The following SLC37A3 variants were observed in gnomAD, a reference collection of about 807,000 sequenced individuals.
The protein encoded by SLC37A3 is solute carrier family 37 member 3, also known as sugar phosphate exchanger 3.
A neutral mutation model predicts 67.1 loss-of-function variants in SLC37A3; 51 were observed. The observed-to-expected ratio is 0.76, with a 90% confidence interval of 0.61 to 0.96. SLC37A3 has a LOEUF of 0.96. Among genes scored for constraint, SLC37A3 ranks in the 40% least tolerant of loss-of-function variants. The pLI is 0.00. For synonymous variants in SLC37A3, 214 were observed against 231.4 expected, an observed-to-expected ratio of 0.92 and a Z score of 0.68; for missense variants, 508 against 603.0, an observed-to-expected ratio of 0.84 and a Z score of 1.65.
intron 4 of SLC37A3, among the ~76,000 whole-genome samples, chr7:140,367,627 G>C (rs1381993128): frequency 6.6e-6 from 1 of 152,028 alleles, no homozygotes; most frequent in African/African-American, 2.4e-5. Flanking sequence ...TATATGCTGG[G>C]GAGAAAAGGA....
At chr7:140,362,195 C>T (rs1797342087) in intron 5 of SLC37A3, among the ~76,000 whole-genome samples, 1 of 140,530 alleles carries the variant, frequency 7.1e-6, no homozygotes, top group South Asian at 2.6e-4. Context: ...AGCGCCTCTG[C>T]CCCGCCGCCC....
intron 13 of SLC37A3, among the ~76,000 whole-genome samples, chr7:140,339,642 A>G (rs569094893): frequency 6.6e-6 from 1 of 152,190 alleles, no homozygotes; most frequent in East Asian, 1.9e-4. Flanking sequence ...AAGAAGCACC[A>G]AAGTATTTTT....
intron 8 of SLC37A3, 98 bp from the exon 9 acceptor site, chr7:140,351,549 C>A: frequency 7.7e-7 from 1 of 1,298,386 alleles, no homozygotes; most frequent in South Asian, 1.5e-5. Flanking sequence ...TTTTTATTTC[C>A]ATTTTACAGA....
At chr7:140,381,242 G>A (rs534409480) in intron 2 of SLC37A3, among the ~76,000 whole-genome samples, 9 of 150,500 alleles carry the variant, frequency 6.0e-5, no homozygotes, top group African/African-American at 1.9e-4. Context: ...AGCCAAGCAC[G>A]GTGGCTCACG....
chr7:140,345,292 G>T (rs1796510907), intron 11 of SLC37A3, 29 bp from the exon 12 acceptor site: 1 of 1,608,802 alleles, frequency 6.2e-7, no homozygotes, highest in African/African-American at 1.3e-5. Context: ...ACAAACCATG[G>T]TGGCTTGAAA....
At chr7:140,336,806 G>T (rs964135239) in intron 14 of SLC37A3, among the ~76,000 whole-genome samples, 4 of 152,004 alleles carry the variant, frequency 2.6e-5, no homozygotes, top group African/African-American at 9.7e-5. Context: ...TCCTCACAAA[G>T]AAGAATGTGA....
At chr7:140,367,741 C>T (rs1244955387) in intron 4 of SLC37A3, among the ~76,000 whole-genome samples, 1 of 151,962 alleles carries the variant, frequency 6.6e-6, no homozygotes, top group Non-Finnish European at 1.5e-5. Context: ...GAGACGCCAG[C>T]TGCCTATCCT....
At position 140,335,193 on chromosome 7, in the gene SLC37A3, T is replaced by C; in HGVS notation, c.*219A>G. On this transcript the variant is annotated 3_prime_UTR_variant, in exon 15 of 15. Coordinates refer to ENST00000326232, the MANE Select transcript of SLC37A3 (RefSeq NM_207113.3). Reference sequence around the variant, plus strand: ...AGTCAGAAGTCACTCGGCACATTCATGAAACAACAGCAAAAATCATCAACA... The same window carrying C: ...AGTCAGAAGTCACTCGGCACATTCACGAAACAACAGCAAAAATCATCAACA... 1 of 1,588,852 alleles carries C rather than the reference T, an allele frequency of 6.3e-7. No individual in the cohort carries two copies. The highest frequency in any genetic ancestry group is 8.6e-7 in the Non-Finnish European group (1 of 1,164,182).
intron 3 of SLC37A3, among the ~76,000 whole-genome samples, chr7:140,374,782 CAG>C (rs973659452): frequency 8.6e-5 from 13 of 152,038 alleles, no homozygotes; most frequent in African/African-American, 3.1e-4. Flanking sequence ...GGCTTGAGCC[CAG>C]GACTTCAAGG....
chr7:140,351,484 G>A (rs1796799120), intron 8 of SLC37A3, 33 bp from the exon 9 acceptor site: 1 of 1,605,060 alleles, frequency 6.2e-7, no homozygotes. Flanking sequence ...TGTTTATGGA[G>A]TGCCTACCAC....
intron 1 of SLC37A3, among the ~76,000 whole-genome samples, chr7:140,391,692 A>T (rs998173982): frequency 2.0e-5 from 3 of 152,162 alleles, no homozygotes; most frequent in African/African-American, 7.2e-5. Context: ...AAGCAGATAA[A>T]CTATAAGTCT....
chr7:140,395,263 C>G (rs1311150117), intron 1 of SLC37A3, among the ~76,000 whole-genome samples: 1 of 150,770 alleles, frequency 6.6e-6, no homozygotes, highest in Non-Finnish European at 1.5e-5. Context: ...ATAATCCCAG[C>G]TGCTTGGGAG....
Position 140,345,218 on chromosome 7 carries a change from G to T in SLC37A3, c.1172C>A (p.Thr391Lys). ...TGGAGCAGAGCCATGTGCCGTACCT[G>T]TAACAGTCATCAGAAGGGCATTGAT... is the stretch of plus-strand genomic sequence containing the variant. ...KSINALLMTV[T>K]GFFIGGPSNM... Residue 391 changes from threonine to lysine, a missense_variant and splice_region_variant, in exon 12 of 15, where the codon ACA becomes AAA. Transcript: ENST00000326232. The T allele has an allele frequency of 6.2e-7, 1 of 1,613,550 alleles. No homozygotes were observed. Among genetic ancestry groups the T allele is most frequent in the East Asian group, 2.2e-5 (1 of 44,876 alleles).
rs1796832833 is a variant in SLC37A3 at position 140,352,119 on chromosome 7, G to GTTAT, written c.645_646insATAA (p.Gln216IlefsTer26). ...AAGATAACGATCCCACCAGCAAACT[G>GTTAT]CACAGACGCCGTCACCAGAAAGGCA... On this transcript the variant is annotated frameshift_variant, in exon 8 of 15. Coordinates refer to ENST00000326232, the MANE Select transcript of SLC37A3 (RefSeq NM_207113.3). LOFTEE classifies it high-confidence loss of function. The GTTAT allele has an allele frequency of 3.1e-6, 5 of 1,613,130 alleles. No individual in the cohort carries two copies. The highest frequency in any genetic ancestry group is 4.2e-6 in the Non-Finnish European group (5 of 1,179,846).
At chr7:140,383,366 G>C (rs1168041827) in intron 1 of SLC37A3, among the ~76,000 whole-genome samples, 14 of 152,084 alleles carry the variant, frequency 9.2e-5, no homozygotes, top group Admixed American at 9.2e-4. Context: ...AGCTACTGGA[G>C]AGGCTGAGAC....
intron 4 of SLC37A3, among the ~76,000 whole-genome samples, chr7:140,369,071 C>T (rs969710939): frequency 6.6e-6 from 1 of 152,064 alleles, no homozygotes; most frequent in East Asian, 1.9e-4. Context: ...TACCAAAACC[C>T]TACAGATCTG....
Position 140,335,120 on chromosome 7 carries a change from AG to A in SLC37A3, c.*291del. The A allele has an allele frequency of 1.8e-6, 2 of 1,099,096 alleles. No homozygotes were observed. Among genetic ancestry groups the A allele is most frequent in the Non-Finnish European group, 2.6e-6 (2 of 781,214 alleles). 68.1% of individuals were successfully genotyped at this position (1,099,096 alleles called of 1,614,324 possible). ...TAAGGTTAAAACGCTAAACCTCAAT[AG>A]GCCAAACAAAGACGCGGGCAGAGTC... On this transcript the variant is annotated 3_prime_UTR_variant, in exon 15 of 15. Transcript: ENST00000326232.
At chr7:140,359,067 C>A (rs990233003) in intron 5 of SLC37A3, among the ~76,000 whole-genome samples, 1 of 152,152 alleles carries the variant, frequency 6.6e-6, no homozygotes, top group Non-Finnish European at 1.5e-5. Context: ...AAAGTGAATT[C>A]CAGGCCGGGC....
At chr7:140,355,568 T>G in intron 7 of SLC37A3, 100 bp downstream of exon 7, 1 of 1,076,154 alleles carries the variant, frequency 9.3e-7, no homozygotes, top group Non-Finnish European at 1.4e-6. Context: ...CAGTTCTACA[T>G]AGTTTTAAAT....
Sources: gnomAD v4.1 joint callset for allele counts (sites outside exome capture counted in the v4.1 genomes callset) on GRCh38, gnomAD v4.1.1 for gene constraint, MANE v1.5 for transcripts, NCBI Gene and HGNC (gene_info 2026-07-23, HGNC 2026-07-21) for gene names.